Variants in ATOSA observed in about 807,000 individuals in gnomAD.
ATOSA encodes the protein atos homolog protein A.
chr15:52,590,083 C>T, the ATOSA span, among the ~76,000 whole-genome samples: 515 of 151,656 alleles, frequency 3.4e-3, 3 homozygotes, highest in African/African-American at 0.012. Context: ...CCACCATGCC[C>T]GGCCCTTCTT....
the ATOSA span, among the ~76,000 whole-genome samples, chr15:52,644,027 T>C: frequency 2.0e-5 from 3 of 152,168 alleles, no homozygotes; most frequent in Non-Finnish European, 4.4e-5. Context: ...CTTTATAAAG[T>C]TCCTGAATAT....
chr15:52,640,337 A>C, the ATOSA span, among the ~76,000 whole-genome samples: 1 of 151,844 alleles, frequency 6.6e-6, no homozygotes, highest in Non-Finnish European at 1.5e-5. Context: ...TAATCCCAGC[A>C]CTTTGGTAGG....
the ATOSA span, among the ~76,000 whole-genome samples, chr15:52,584,150 T>A: frequency 6.7e-6 from 1 of 149,966 alleles, no homozygotes. Context: ...TATTACTTTT[T>A]TTTTTTTTTT....
At chr15:52,675,860 T>A in the ATOSA span, among the ~76,000 whole-genome samples, 30,047 of 150,538 alleles carry the variant, frequency 0.2, 5,508 homozygotes, top group East Asian at 0.52. Context: ...GAGCGGAGAT[T>A]GCGCCACTGC....
chr15:52,708,341 C>T, the ATOSA span, among the ~76,000 whole-genome samples: 1 of 152,220 alleles, frequency 6.6e-6, no homozygotes, highest in South Asian at 2.1e-4. Flanking sequence ...CTTCTGGATT[C>T]CCACTCCCAA....
chr15:52,655,411 A>G, the ATOSA span, among the ~76,000 whole-genome samples: 1 of 152,134 alleles, frequency 6.6e-6, no homozygotes, highest in Non-Finnish European at 1.5e-5. Context: ...CACAAAGACA[A>G]CGATAAAAGG....
At chr15:52,625,387 T>G in the ATOSA span, among the ~76,000 whole-genome samples, 1 of 152,172 alleles carries the variant, frequency 6.6e-6, no homozygotes, top group African/African-American at 2.4e-5. Flanking sequence ...TATTTTATTA[T>G]TAGTTATACA....
At chr15:52,584,690 T>C in the ATOSA span, 1 of 1,470,728 alleles carries the variant, frequency 6.8e-7, no homozygotes, top group Non-Finnish European at 9.2e-7. Context: ...AAAAAAAAAC[T>C]AAAAATTTTA....
the ATOSA span, among the ~76,000 whole-genome samples, chr15:52,634,234 A>G: frequency 2.6e-5 from 4 of 152,132 alleles, no homozygotes; most frequent in Non-Finnish European, 4.4e-5. Flanking sequence ...GGAGTTCAAG[A>G]CCAGCCTGGC....
the ATOSA span, among the ~76,000 whole-genome samples, chr15:52,645,049 C>G: frequency 3.3e-5 from 5 of 152,252 alleles, no homozygotes; most frequent in East Asian, 5.8e-4. Flanking sequence ...AGATTCAGCT[C>G]TTCTCCAGAG....
At chr15:52,671,075 G>T in the ATOSA span, among the ~76,000 whole-genome samples, 4 of 152,066 alleles carry the variant, frequency 2.6e-5, no homozygotes, top group African/African-American at 9.7e-5. Flanking sequence ...TCAGCACAGG[G>T]GGTGGACATC....
the ATOSA span, among the ~76,000 whole-genome samples, chr15:52,618,813 G>T: frequency 6.6e-6 from 1 of 151,998 alleles, no homozygotes; most frequent in Non-Finnish European, 1.5e-5. Context: ...GCCTCCCAGA[G>T]TGCTGGGATT....
chr15:52,598,205 G>T, the ATOSA span, among the ~76,000 whole-genome samples: 2 of 152,042 alleles, frequency 1.3e-5, no homozygotes, highest in Admixed American at 1.3e-4. Flanking sequence ...ATTAACAATA[G>T]CTGATGAGCT....
the ATOSA span, among the ~76,000 whole-genome samples, chr15:52,665,830 G>A: frequency 2.0e-5 from 3 of 152,058 alleles, no homozygotes; most frequent in South Asian, 2.1e-4. Flanking sequence ...ACATTAAGAA[G>A]TATAAATTGG....
At chr15:52,668,304 C>G in the ATOSA span, among the ~76,000 whole-genome samples, 1 of 152,014 alleles carries the variant, frequency 6.6e-6, no homozygotes, top group Non-Finnish European at 1.5e-5. Flanking sequence ...CAGCCAGACA[C>G]AGAAAGACAC....
chr15:52,609,747 T>C, the ATOSA span: 1 of 1,613,750 alleles, frequency 6.2e-7, no homozygotes, highest in Non-Finnish European at 8.5e-7. Context: ...CAGAAACATG[T>C]GAAGTGCTTG....
chr15:52,693,554 T>C, the ATOSA span, among the ~76,000 whole-genome samples: 3 of 152,126 alleles, frequency 2.0e-5, no homozygotes, highest in Non-Finnish European at 4.4e-5. Flanking sequence ...TGTTAAGGGA[T>C]AGAGGTCCAT....
the ATOSA span, among the ~76,000 whole-genome samples, chr15:52,638,587 G>C: frequency 4.0e-5 from 6 of 151,730 alleles, no homozygotes; most frequent in Non-Finnish European, 8.8e-5. Flanking sequence ...TGTAATCCCA[G>C]CTACTTGGGA....
At chr15:52,617,772 AATTT>A in the ATOSA span, among the ~76,000 whole-genome samples, 8 of 123,072 alleles carry the variant, frequency 6.5e-5, no homozygotes, top group African/African-American at 1.8e-4. Context: ...ATTTATTAAT[AATTT>A]ATTATATACA....
Sources: gnomAD v4.1 joint callset for allele counts (sites outside exome capture counted in the v4.1 genomes callset) on GRCh38, gnomAD v4.1.1 for gene constraint, MANE v1.5 for transcripts, NCBI Gene and HGNC (gene_info 2026-07-23, HGNC 2026-07-21) for gene names.